PHEX: variants seen among roughly 807,000 people sequenced by gnomAD.
The protein encoded by PHEX is phosphate regulating endopeptidase X-linked.
PHEX carries 16 observed loss-of-function variants against 68.0 expected under a neutral mutation model. The ratio of observed to expected loss-of-function variants is 0.24; its 90% CI spans 0.16 to 0.36. The LOEUF (loss-of-function observed/expected upper bound fraction) is 0.36, where lower values mean the gene tolerates loss of function less well. Among genes scored for constraint, PHEX ranks in the 10% least tolerant of loss-of-function variants. PHEX has a pLI of 1.00. For missense variants in PHEX, 480 were observed against 575.5 expected, an observed-to-expected ratio of 0.83 and a Z score of 1.70; for synonymous variants, 208 against 205.1, an observed-to-expected ratio of 1.01 and a Z score of -0.12.
chrX:22,058,590 C>T (rs1477131971), intron 3 of PHEX, among the ~76,000 whole-genome samples: 1 of 111,997 alleles, frequency 8.9e-6, no homozygotes, highest in Non-Finnish European at 1.9e-5. Context: ...TACGTATTCC[C>T]AACTTGCATT....
chrX:22,216,492 CTTATTTATTTATTTAT>C (rs56899587), intron 16 of PHEX, among the ~76,000 whole-genome samples: 2,153 of 88,007 alleles, frequency 0.024, 79 homozygotes, highest in East Asian at 0.24. Flanking sequence ...TTTTTTTATG[CTTATTTATTTATTTAT>C]TTATTTATTT....
At chrX:22,105,938 A>G (rs919744269) in intron 9 of PHEX, among the ~76,000 whole-genome samples, 2 of 112,063 alleles carry the variant, frequency 1.8e-5, no homozygotes, top group Admixed American at 1.9e-4. Context: ...TCTAAAAATT[A>G]AAAGAATCTT....
intron 16 of PHEX, among the ~76,000 whole-genome samples, chrX:22,217,497 A>ATTACT (rs1935131694): frequency 1.8e-5 from 2 of 112,254 alleles, no homozygotes; most frequent in African/African-American, 6.5e-5. Context: ...GTAATAACAT[A>ATTACT]TTACTTTAAA....
At chrX:22,170,915 C>T (rs985114558) in intron 13 of PHEX, among the ~76,000 whole-genome samples, 1 of 112,393 alleles carries the variant, frequency 8.9e-6, no homozygotes, top group Non-Finnish European at 1.9e-5. Flanking sequence ...GAAGACATTA[C>T]ACACCAAGAT....
chrX:22,145,376 C>T (rs762057642), intron 12 of PHEX, among the ~76,000 whole-genome samples: 16 of 111,770 alleles, frequency 1.4e-4, no homozygotes, highest in Admixed American at 1.1e-3. Flanking sequence ...TTTGGGAGGC[C>T]GAGGTGGGTA....
intron 1 of PHEX, among the ~76,000 whole-genome samples, chrX:22,036,026 ACACACG>A (rs1182112048): frequency 2.2e-5 from 2 of 92,202 alleles, no homozygotes; most frequent in African/African-American, 4.2e-5. Flanking sequence ...ACACACACAC[ACACACG>A]TACATATATA....
chrX:22,079,829 C>A (rs746592504), intron 5 of PHEX, among the ~76,000 whole-genome samples: 1 of 111,048 alleles, frequency 9.0e-6, no homozygotes, highest in Non-Finnish European at 1.9e-5. Flanking sequence ...ATAGGAGAAT[C>A]ACAGCTTAAA....
intron 12 of PHEX, among the ~76,000 whole-genome samples, chrX:22,135,274 C>T (rs1412966247): frequency 8.9e-6 from 1 of 112,214 alleles, no homozygotes; most frequent in African/African-American, 3.2e-5. Flanking sequence ...GGAAACTCTC[C>T]AGATGGTAGA....
At chrX:22,188,884 C>G (rs1602372298) in intron 14 of PHEX, among the ~76,000 whole-genome samples, 1 of 111,941 alleles carries the variant, frequency 8.9e-6, no homozygotes, top group South Asian at 3.7e-4. Flanking sequence ...GTACCCATTA[C>G]CCATCCCCAC....
intron 20 of PHEX, among the ~76,000 whole-genome samples, chrX:22,231,970 C>T (rs1450369207): frequency 9.0e-6 from 1 of 110,747 alleles, no homozygotes; most frequent in African/African-American, 3.4e-5. Flanking sequence ...TACATTGTGT[C>T]TTTGTTCTCA....
intron 9 of PHEX, among the ~76,000 whole-genome samples, chrX:22,104,696 C>T (rs940730795): frequency 1.8e-5 from 2 of 111,479 alleles, no homozygotes; most frequent in Non-Finnish European, 3.8e-5. Context: ...CAATTCTCCT[C>T]CTCACTCCTG....
At chrX:22,092,995 C>T (rs181986832) in intron 6 of PHEX, among the ~76,000 whole-genome samples, 7 of 111,057 alleles carry the variant, frequency 6.3e-5, no homozygotes, top group Admixed American at 1.9e-4. Flanking sequence ...CGTGATCCAC[C>T]TGCCTCAGCC....
chrX:22,077,843 C>A, intron 5 of PHEX, 141 bp downstream of exon 5: 1 of 508,636 alleles, frequency 2.0e-6, no homozygotes, highest in Non-Finnish European at 3.5e-6. Flanking sequence ...CCAGAATATT[C>A]CCTTCTCCCG....
chrX:22,061,454 C>G (rs1230264079), intron 3 of PHEX, among the ~76,000 whole-genome samples: 1 of 111,509 alleles, frequency 9.0e-6, no homozygotes, highest in East Asian at 2.8e-4. Context: ...TGATTTACTA[C>G]TAATGGGGAG....
intron 12 of PHEX, among the ~76,000 whole-genome samples, chrX:22,159,567 A>T (rs1015049143): frequency 8.9e-6 from 1 of 112,170 alleles, no homozygotes; most frequent in African/African-American, 3.2e-5. Context: ...AGAAGAATAT[A>T]TTATGATACA....
intron 20 of PHEX, among the ~76,000 whole-genome samples, chrX:22,236,313 T>G (rs1424006751): frequency 8.9e-6 from 1 of 112,629 alleles, no homozygotes. Flanking sequence ...TACCATGCAG[T>G]TGAGTACTTA....
intron 3 of PHEX, among the ~76,000 whole-genome samples, chrX:22,069,728 G>T (rs1255770102): frequency 9.0e-6 from 1 of 111,651 alleles, no homozygotes; most frequent in East Asian, 2.8e-4. Flanking sequence ...AGAAAGATCA[G>T]CTCCTATTGG....
In PHEX at chrX:22,135,357, G is replaced by A. The variant is rs1204592231; in HGVS notation, c.1404+1733G>A. Among the ~76,000 whole-genome samples, 3 of 112,055 alleles carry A rather than the reference G, an allele frequency of 2.7e-5. No homozygotes were observed. In the East Asian group the frequency reaches 8.4e-4, roughly 31 times the overall value. ...TTGCTGAGCTAGCTTGTGGTATGTG[G>A]AACAGGATGTGTCTTGCCCTGGGCA... On this transcript the variant is annotated intron_variant, in intron 12 of 21. Coordinates refer to ENST00000379374, the MANE Select transcript of PHEX (RefSeq NM_000444.6).
intron 14 of PHEX, among the ~76,000 whole-genome samples, chrX:22,181,700 C>G: frequency 8.9e-6 from 1 of 111,849 alleles, no homozygotes; most frequent in South Asian, 3.7e-4. Context: ...ATTGATTCTT[C>G]TAATCCATTA....
Sources: allele counts gnomAD v4.1 joint callset (sites outside exome capture counted in the v4.1 genomes callset), GRCh38; gene constraint gnomAD v4.1.1; transcripts MANE v1.5; gene names NCBI Gene and HGNC (gene_info 2026-07-23, HGNC 2026-07-21).